AKAP6: variants seen among roughly 807,000 people sequenced by gnomAD.
AKAP6 encodes the protein A-kinase anchor protein 6.
AKAP6 carries 58 observed loss-of-function variants against 188.5 expected under a neutral mutation model. That is an observed-to-expected ratio of 0.31 (90% CI 0.25 to 0.38). AKAP6 has a LOEUF of 0.38. AKAP6 is among the 10% of genes least tolerant of loss of function. The probability of loss-of-function intolerance (pLI) is 1.00; values close to 1 mark genes in which losing one functional copy is unlikely to be tolerated. For missense variants in AKAP6, 2,710 were observed against 2,740.0 expected (o/e 0.99, Z 0.24); for synonymous variants, 989 against 998.6 (o/e 0.99, Z 0.18).
intron 9 of AKAP6, among the ~76,000 whole-genome samples, chr14:32,725,114 A>C (rs1181439643): frequency 1.3e-5 from 2 of 151,360 alleles, no homozygotes; most frequent in South Asian, 4.2e-4. Flanking sequence ...ACAGTAACAC[A>C]TGCCTGCTTA....
chr14:32,577,447 T>C (rs561589759), intron 5 of AKAP6, among the ~76,000 whole-genome samples: 2 of 152,294 alleles, frequency 1.3e-5, no homozygotes, highest in Non-Finnish European at 2.9e-5. Context: ...CAAGCTACCT[T>C]TTCAAAGCTT....
intron 1 of AKAP6, among the ~76,000 whole-genome samples, chr14:32,410,288 C>A (rs141974500): frequency 6.6e-6 from 1 of 152,132 alleles, no homozygotes; most frequent in South Asian, 2.1e-4. Flanking sequence ...AAAACTTGGT[C>A]TCCATACCCC....
At chr14:32,694,832 T>C (rs890683328) in intron 8 of AKAP6, among the ~76,000 whole-genome samples, 8 of 152,200 alleles carry the variant, frequency 5.3e-5, no homozygotes, top group Admixed American at 6.5e-5. Flanking sequence ...AGTCGTTTAA[T>C]GTACAGAGAC....
chr14:32,582,093 T>C (rs1355058797), intron 5 of AKAP6, among the ~76,000 whole-genome samples: 3 of 151,766 alleles, frequency 2.0e-5, no homozygotes, highest in Admixed American at 6.5e-5. Flanking sequence ...CTAGCCTCGA[T>C]GGTCTTTACA....
intron 4 of AKAP6, among the ~76,000 whole-genome samples, chr14:32,547,245 A>G (rs1275503390): frequency 6.6e-6 from 1 of 152,228 alleles, no homozygotes; most frequent in Non-Finnish European, 1.5e-5. Flanking sequence ...TCTTTGTTGA[A>G]ATTGTTCAAA....
chr14:32,489,445 A>C (rs1879881555), intron 2 of AKAP6, among the ~76,000 whole-genome samples: 2 of 152,174 alleles, frequency 1.3e-5, no homozygotes, highest in Admixed American at 1.3e-4. Context: ...CCTGGCCTCA[A>C]GCAATTCTTC....
At chr14:32,698,386 C>T (rs1415398484) in intron 9 of AKAP6, among the ~76,000 whole-genome samples, 1 of 152,096 alleles carries the variant, frequency 6.6e-6, no homozygotes, top group African/African-American at 2.4e-5. Context: ...AGGAGTAAAG[C>T]TTTTCAATTG....
At chr14:32,670,498 G>C (rs1325375896) in intron 7 of AKAP6, among the ~76,000 whole-genome samples, 4 of 152,168 alleles carry the variant, frequency 2.6e-5, no homozygotes, top group Non-Finnish European at 5.9e-5. Flanking sequence ...CAAAGGAAAA[G>C]ACAGGTGCTT....
intron 7 of AKAP6, among the ~76,000 whole-genome samples, chr14:32,637,934 G>T (rs1033318719): frequency 7.9e-5 from 12 of 152,066 alleles, no homozygotes; most frequent in African/African-American, 2.9e-4. Flanking sequence ...GGGTGGAGGA[G>T]GGAGAAACAA....
chr14:32,555,689 A>T (rs1292899875), intron 4 of AKAP6, among the ~76,000 whole-genome samples: 1 of 152,268 alleles, frequency 6.6e-6, no homozygotes, highest in African/African-American at 2.4e-5. Flanking sequence ...AAGTGGAATC[A>T]TATAGTATTT....
At chr14:32,422,365 A>C (rs1594597961) in intron 1 of AKAP6, among the ~76,000 whole-genome samples, 1 of 152,282 alleles carries the variant, frequency 6.6e-6, no homozygotes, top group African/African-American at 2.4e-5. Flanking sequence ...GAACTCAGGA[A>C]AGTGCTATTA....
intron 11 of AKAP6, among the ~76,000 whole-genome samples, chr14:32,750,722 C>A (rs770321744): frequency 1.0e-4 from 15 of 148,484 alleles, no homozygotes; most frequent in South Asian, 6.5e-4. Flanking sequence ...AGGACTGGGT[C>A]ACTAAATTAA....
At chr14:32,780,156 A>AC (rs59416926) in intron 12 of AKAP6, among the ~76,000 whole-genome samples, 1 of 113,860 alleles carries the variant, frequency 8.8e-6, no homozygotes, top group African/African-American at 4.5e-5. Flanking sequence ...GAAAAAAAAA[A>AC]CATATATATA....
chr14:32,585,178 A>G (rs964369139), intron 5 of AKAP6, among the ~76,000 whole-genome samples: 3 of 152,150 alleles, frequency 2.0e-5, no homozygotes, highest in African/African-American at 7.2e-5. Context: ...CCAAGTTGTT[A>G]TGCATACCTA....
Position 32,523,047 on chromosome 14 carries a change from A to G in AKAP6, c.325-12507A>G, listed in dbSNP as rs1881928872. On this transcript the variant is annotated intron_variant, in intron 2 of 13. Transcript: ENST00000280979. ...TGTAGGGACATGGATGAAGCTGGAA[A>G]CCATCATTCTGAGCAAACTATCACC... Among the ~76,000 whole-genome samples, 3 of 152,278 alleles carry G rather than the reference A, an allele frequency of 2.0e-5. No individual in the cohort carries two copies. The South Asian group carries it at 6.2e-4, about 32-fold the overall frequency.
intron 2 of AKAP6, among the ~76,000 whole-genome samples, chr14:32,518,425 G>A (rs112184040): frequency 0.26 from 39,668 of 151,954 alleles, 5,178 homozygotes; most frequent in Admixed American, 0.31. Context: ...TGAACCCATC[G>A]CAAAGAAGAT....
At chr14:32,816,194 T>G (rs1330300939) in intron 12 of AKAP6, among the ~76,000 whole-genome samples, 2 of 151,986 alleles carry the variant, frequency 1.3e-5, no homozygotes, top group East Asian at 1.9e-4. Context: ...TTATATGGTT[T>G]GTTTGTTTGT....
intron 2 of AKAP6, among the ~76,000 whole-genome samples, chr14:32,488,409 T>A (rs2138933243): frequency 6.6e-6 from 1 of 152,252 alleles, no homozygotes; most frequent in East Asian, 1.9e-4. Flanking sequence ...CCAGGTGGAT[T>A]TCAGACTGCT....
At chr14:32,620,776 A>C (rs1459961008) in intron 7 of AKAP6, among the ~76,000 whole-genome samples, 1 of 151,710 alleles carries the variant, frequency 6.6e-6, no homozygotes, top group African/African-American at 2.4e-5. Context: ...TTTGGCTGTG[A>C]ATCCATTTGA....
Sources: gnomAD v4.1 joint callset for allele counts (sites outside exome capture counted in the v4.1 genomes callset) on GRCh38, gnomAD v4.1.1 for gene constraint, MANE v1.5 for transcripts, NCBI Gene and HGNC (gene_info 2026-07-23, HGNC 2026-07-21) for gene names.